The following AOPEP variants were observed in gnomAD, a reference collection of about 807,000 sequenced individuals.
The protein encoded by AOPEP is aminopeptidase O (putative), also known as aminopeptidase O.
A neutral mutation model predicts 98.1 loss-of-function variants in AOPEP; 77 were observed. The ratio of observed to expected loss-of-function variants is 0.78; its 90% CI spans 0.65 to 0.95. The LOEUF (loss-of-function observed/expected upper bound fraction) is 0.95. Ranked by LOEUF, AOPEP falls within the 40% of genes least tolerant of loss-of-function variation. AOPEP has a pLI of 0.00. For synonymous variants in AOPEP, 346 were observed against 365.3 expected, an observed-to-expected ratio of 0.95 and a Z score of 0.60; for missense variants, 1,024 against 1,024.7, an observed-to-expected ratio of 1.00 and a Z score of 0.01.
intron 5 of AOPEP, among the ~76,000 whole-genome samples, chr9:94,910,050 A>G (rs16911826): frequency 0.017 from 2,651 of 152,298 alleles, 51 homozygotes; most frequent in East Asian, 0.044. Flanking sequence ...GGTTGCGGCA[A>G]GACTGCTGTG....
At chr9:94,957,443 G>A in intron 9 of AOPEP, among the ~76,000 whole-genome samples, 1 of 152,138 alleles carries the variant, frequency 6.6e-6, no homozygotes, top group African/African-American at 2.4e-5. Flanking sequence ...TCTGACTTCA[G>A]GTGATCTGCC....
rs768943647 is a variant in AOPEP, at chr9:94,979,415, C to T, written c.1965C>T (p.Ser655=). The T allele has an allele frequency of 9.4e-6, 15 of 1,598,166 alleles. No homozygotes were observed. Among genetic ancestry groups the T allele is most frequent in the African/African-American group, 1.3e-5 (1 of 74,772 alleles). Residue 655 remains serine, a synonymous_variant, in exon 11 of 17, where the codon TCC becomes TCT. Transcript: ENST00000375315. The stretch of plus-strand genomic sequence containing the variant: ...TCTACCAAGACTGGCTTGAGAGTTC[C>T]GGAATACCAAAGGTAACTCAAGATA... The part of the protein sequence containing the change: ...ENIYQDWLES[S]GIPKPLQRER...
the AOPEP span, among the ~76,000 whole-genome samples, chr9:95,131,979 T>TA: frequency 1.3e-5 from 2 of 152,178 alleles, no homozygotes; most frequent in Non-Finnish European, 2.9e-5. Flanking sequence ...TCTTATTAGA[T>TA]AAAGTAATCT....
intron 5 of AOPEP, among the ~76,000 whole-genome samples, chr9:94,825,720 T>C (rs1413188250): frequency 1.3e-5 from 2 of 152,190 alleles, no homozygotes; most frequent in Non-Finnish European, 2.9e-5. Context: ...AGAGAGACTG[T>C]TTTATTCCAT....
chr9:94,809,163 G>C (rs768726241), intron 5 of AOPEP, among the ~76,000 whole-genome samples: 1 of 152,190 alleles, frequency 6.6e-6, no homozygotes, highest in Non-Finnish European at 1.5e-5. Context: ...TTTCAAGGAA[G>C]ACTAGTTTTA....
At chr9:94,944,813 C>A (rs531780544) in intron 7 of AOPEP, among the ~76,000 whole-genome samples, 1 of 152,108 alleles carries the variant, frequency 6.6e-6, no homozygotes, top group Non-Finnish European at 1.5e-5. Context: ...TGATTACATT[C>A]TAAAGTTTAT....
the AOPEP span, chr9:95,101,260 AT>A: frequency 6.8e-6 from 2 of 292,854 alleles, no homozygotes; most frequent in African/African-American, 4.2e-5. Context: ...TTTATCCCAG[AT>A]CCCTGACTCC....
chr9:94,922,617 TCTTC>T (rs1180168572), intron 5 of AOPEP, among the ~76,000 whole-genome samples: 2 of 152,156 alleles, frequency 1.3e-5, no homozygotes, highest in African/African-American at 2.4e-5. Flanking sequence ...TCTCTCAGTT[TCTTC>T]CTTCCTTCCT....
intron 1 of AOPEP, among the ~76,000 whole-genome samples, chr9:94,741,568 G>A (rs1833136948): frequency 6.6e-6 from 1 of 152,076 alleles, no homozygotes; most frequent in African/African-American, 2.4e-5. Flanking sequence ...ACTGCACCCG[G>A]CCTTCCCCCT....
intron 1 of AOPEP, among the ~76,000 whole-genome samples, chr9:94,744,732 A>G (rs1419152841): frequency 1.3e-5 from 2 of 150,918 alleles, no homozygotes; most frequent in African/African-American, 2.4e-5. Flanking sequence ...AGAATAAAAT[A>G]TGGTACAAAT....
At chr9:95,087,530 T>A (rs78169800), downstream of AOPEP, among the ~76,000 whole-genome samples, 446 of 93,758 alleles carry the variant, frequency 4.8e-3, 3 homozygotes, top group African/African-American at 0.015. Context: ...GAAAAAGGTA[T>A]TCTCCACATT....
At chr9:94,818,021 AC>A (rs1417969640) in intron 5 of AOPEP, among the ~76,000 whole-genome samples, 1 of 152,096 alleles carries the variant, frequency 6.6e-6, no homozygotes, top group Non-Finnish European at 1.5e-5. Flanking sequence ...ATAGGATGTT[AC>A]CCTACCACCC....
chr9:94,899,749 A>C (rs1167086953), intron 5 of AOPEP, among the ~76,000 whole-genome samples: 10 of 151,048 alleles, frequency 6.6e-5, no homozygotes, highest in Non-Finnish European at 1.5e-5. Context: ...GACCCTATCT[A>C]AAAAAAAACA....
At chr9:94,838,639 G>A (rs1342728736) in intron 5 of AOPEP, among the ~76,000 whole-genome samples, 1 of 152,138 alleles carries the variant, frequency 6.6e-6, no homozygotes. Flanking sequence ...GCTGGGATTT[G>A]GTTCAGATTT....
intron 9 of AOPEP, among the ~76,000 whole-genome samples, 172 bp from the exon 10 acceptor site, chr9:94,967,586 T>A (rs150367660): frequency 2.6e-4 from 39 of 152,320 alleles, no homozygotes; most frequent in African/African-American, 9.1e-4. Context: ...AATGATTCGA[T>A]TGAAACCCTG....
rs78974632 is a variant in AOPEP at position 95,046,040 on chromosome 9, G to A, written c.2116-14654G>A. Among the ~76,000 whole-genome samples, 565 of 152,298 alleles carry A rather than the reference G, an allele frequency of 3.7e-3. 17 individuals are homozygous for A. The East Asian group carries it at 0.051, about 14-fold the overall frequency. On this transcript the variant is annotated intron_variant, in intron 13 of 16. Transcript: ENST00000375315. ...CGCTGGGCCTAGAAAGGAAGCTATG[G>A]GTTCCCAGATACGGGTTCTTTAAAA...
intron 11 of AOPEP, among the ~76,000 whole-genome samples, chr9:95,000,801 C>G (rs2061513905): frequency 6.6e-6 from 1 of 152,112 alleles, no homozygotes; most frequent in South Asian, 2.1e-4. Context: ...TTAATCCAAC[C>G]TTGATTTTAT....
At chr9:94,820,687 A>G (rs535041772) in intron 5 of AOPEP, among the ~76,000 whole-genome samples, 2 of 152,240 alleles carry the variant, frequency 1.3e-5, no homozygotes, top group Non-Finnish European at 1.5e-5. Flanking sequence ...TGTGGGAGGT[A>G]GGGATGTGCC....
chr9:94,750,829 G>T (rs1241435815), intron 1 of AOPEP, among the ~76,000 whole-genome samples: 2 of 144,896 alleles, frequency 1.4e-5, no homozygotes, highest in African/African-American at 5.1e-5. Flanking sequence ...CTCACTGCAA[G>T]CTCTGCCTCC....
Sources: allele counts gnomAD v4.1 joint callset (sites outside exome capture counted in the v4.1 genomes callset), GRCh38; gene constraint gnomAD v4.1.1; transcripts MANE v1.5; gene names NCBI Gene and HGNC (gene_info 2026-07-23, HGNC 2026-07-21).